GPATCH8: variants seen among roughly 807,000 people sequenced by gnomAD.
GPATCH8 encodes G-patch domain containing 8.
GPATCH8 carries 18 observed loss-of-function variants against 118.3 expected under a neutral mutation model. That is an observed-to-expected ratio of 0.15 (90% CI 0.11 to 0.23). GPATCH8 has a LOEUF of 0.23. Ranked by LOEUF, GPATCH8 falls within the 10% of genes least tolerant of loss-of-function variation. The pLI, the probability that GPATCH8 is intolerant of heterozygous loss-of-function variation, is 1.00. For synonymous variants in GPATCH8, 659 were observed against 684.7 expected (o/e 0.96, Z 0.59); for missense variants, 1,631 against 1,873.8 (o/e 0.87, Z 2.39).
At chr17:44,466,086 T>C (rs972730008) in intron 2 of GPATCH8, among the ~76,000 whole-genome samples, 2 of 152,116 alleles carry the variant, frequency 1.3e-5, no homozygotes, top group Non-Finnish European at 2.9e-5. Context: ...GGTGCAATTA[T>C]AGCTAACTGC....
At chr17:44,454,435 T>TTGTTATTTTGCCA (rs1470855413) in intron 3 of GPATCH8, among the ~76,000 whole-genome samples, 1 of 152,194 alleles carries the variant, frequency 6.6e-6, no homozygotes, top group Non-Finnish European at 1.5e-5. Context: ...TCTTTTCTGA[T>TTGTTATTTTGCCA]TGTTATTTTG....
At chr17:44,406,536 A>G (rs1365372504) in intron 6 of GPATCH8, among the ~76,000 whole-genome samples, 2 of 149,894 alleles carry the variant, frequency 1.3e-5, no homozygotes, top group African/African-American at 4.9e-5. Flanking sequence ...AATAGAAAGC[A>G]TACTTTTATT....
Position 44,425,553 on chromosome 17 carries a change from C to T in GPATCH8, c.349-1061G>A, listed in dbSNP as rs572964101. ...AGTTTCATGTTGTTTGGCTATTAAA[C>T]GACTTGTGGCTTTTTTGCCCAGGCT... is the stretch of plus-strand genomic sequence containing the variant. On this transcript the variant is annotated intron_variant, in intron 5 of 7. Coordinates refer to ENST00000591680, the MANE Select transcript of GPATCH8 (RefSeq NM_001002909.4). Among the ~76,000 whole-genome samples the T allele has an allele frequency of 4.6e-5, 7 of 152,242 alleles. No homozygotes were observed. The South Asian group carries it at 1.2e-3, about 27-fold the overall frequency.
chr17:44,439,868 C>A (rs1439344219), intron 3 of GPATCH8, among the ~76,000 whole-genome samples: 2 of 151,666 alleles, frequency 1.3e-5, no homozygotes, highest in Admixed American at 1.3e-4. Context: ...ACCACAGCCT[C>A]CACCTCCTGG....
intron 1 of GPATCH8, among the ~76,000 whole-genome samples, chr17:44,500,001 A>G (rs1969943377): frequency 6.6e-6 from 1 of 152,322 alleles, no homozygotes; most frequent in East Asian, 1.9e-4. Flanking sequence ...CATTGTTGAA[A>G]GCCTCCCTAG....
At chr17:44,496,004 A>G (rs1331162816) in intron 1 of GPATCH8, among the ~76,000 whole-genome samples, 1 of 152,152 alleles carries the variant, frequency 6.6e-6, no homozygotes, top group South Asian at 2.1e-4. Flanking sequence ...AGTAGCTGGG[A>G]CTACAGGAGC....
At chr17:44,494,390 G>A (rs1006530052) in intron 1 of GPATCH8, among the ~76,000 whole-genome samples, 5 of 152,134 alleles carry the variant, frequency 3.3e-5, no homozygotes, top group East Asian at 1.9e-4. Context: ...TCAGGAGTTC[G>A]CGACCAGCCT....
chr17:44,416,215 T>C (rs972267164), intron 6 of GPATCH8, among the ~76,000 whole-genome samples: 9 of 152,180 alleles, frequency 5.9e-5, no homozygotes, highest in African/African-American at 2.2e-4. Context: ...TTCACCATGT[T>C]GGCCAGGCTG....
intron 2 of GPATCH8, chr17:44,473,879 C>CTATG (rs753720594): frequency 6.6e-6 from 1 of 152,170 alleles, no homozygotes; most frequent in Non-Finnish European, 1.5e-5. Flanking sequence ...TGATCCTTTA[C>CTATG]TATGTTGCAG....
chr17:44,431,978 T>C (rs536885103), intron 5 of GPATCH8, among the ~76,000 whole-genome samples: 3 of 151,438 alleles, frequency 2.0e-5, no homozygotes, highest in Non-Finnish European at 4.4e-5. Flanking sequence ...GAGTAGTGAC[T>C]AAGAATTCTG....
In GPATCH8 at chr17:44,395,552, A is replaced by C. The variant is rs1486487842; in HGVS notation, c.*2016T>G. On this transcript the variant is annotated 3_prime_UTR_variant, in exon 8 of 8. Coordinates refer to ENST00000591680, the MANE Select transcript of GPATCH8 (RefSeq NM_001002909.4). ...TATTTATTTACATGGGCTGAAAGCA[A>C]AGAAAAATGAGTCCCTTCACTTACA... 4 of 454,454 alleles carry C rather than the reference A, an allele frequency of 8.8e-6. No individual in the cohort carries two copies. In the East Asian group the frequency reaches 2.1e-4, roughly 24 times the overall value. The allele number at this position is 454,454 out of a possible 1,614,324, so 28.2% of individuals were successfully genotyped here.
chr17:44,402,012 TA>T (rs72141515), intron 7 of GPATCH8, among the ~76,000 whole-genome samples: 2,633 of 88,636 alleles, frequency 0.03, 82 homozygotes, highest in African/African-American at 0.081. Flanking sequence ...TCAAAAAAAT[TA>T]AAAAAAAAAA....
chr17:44,399,189 C>A lies in GPATCH8; in HGVS notation c.2888G>T (p.Ser963Ile), dbSNP rs762546176. The change falls in exon 8 of 8, where the codon AGC (serine) becomes ATC (isoleucine). Residue 963 changes from serine (S) to isoleucine (I), a missense_variant. Coordinates refer to ENST00000591680, the MANE Select transcript of GPATCH8 (RefSeq NM_001002909.4). Reference sequence around the variant, plus strand: ...CTTGCTTCGACTACGACTACAACTGCTGCTGCGGCTGCGGCCCCGGGATCT... The same window carrying A: ...CTTGCTTCGACTACGACTACAACTGATGCTGCGGCTGCGGCCCCGGGATCT... ...RSRSRGRSRS[S>I]SCSRSRSKRR... The A allele has an allele frequency of 6.2e-7, 1 of 1,612,856 alleles. No homozygotes were observed. The highest frequency in any genetic ancestry group is 8.5e-7 in the Non-Finnish European group (1 of 1,179,082).
At position 44,399,975 on chromosome 17, in the gene GPATCH8, T is replaced by C. The variant is rs1472033187; in HGVS notation, c.2102A>G (p.Lys701Arg). The change falls in exon 8 of 8, where the codon AAG becomes AGG. Residue 701 changes from lysine to arginine, a missense_variant. Lys to Arg is a conservative substitution (Grantham distance 26). Coordinates refer to ENST00000591680, the MANE Select transcript of GPATCH8 (RefSeq NM_001002909.4). ...HKADTEEKSS[K>R]AESGEKSKKR... ...CTTAGATTTCTCCCCTGACTCTGCC[T>C]TAGAGCTTTTCTCTTCTGTGTCAGC... 5 of 1,614,052 alleles carry C rather than the reference T, an allele frequency of 3.1e-6. No individual in the cohort carries two copies. The highest frequency in any genetic ancestry group is 2.5e-6 in the Non-Finnish European group (3 of 1,180,014).
At chr17:44,405,861 A>T in intron 7 of GPATCH8, 60 bp downstream of exon 7, 1 of 1,170,644 alleles carries the variant, frequency 8.5e-7, no homozygotes, top group Non-Finnish European at 1.3e-6. Context: ...TGAAATCTAT[A>T]ATTTAAAATT....
intron 1 of GPATCH8, among the ~76,000 whole-genome samples, chr17:44,499,255 T>C (rs1969886166): frequency 2.6e-5 from 4 of 152,066 alleles, no homozygotes; most frequent in African/African-American, 9.7e-5. Context: ...TCACCTGAGG[T>C]CGGGAGTTTG....
intron 1 of GPATCH8, among the ~76,000 whole-genome samples, chr17:44,498,849 A>G (rs770947543): frequency 5.9e-5 from 9 of 152,244 alleles, no homozygotes; most frequent in Non-Finnish European, 1.0e-4. Flanking sequence ...ACTATATTAC[A>G]TACAGAAAAT....
chr17:44,491,281 G>C (rs1432903679), intron 1 of GPATCH8, among the ~76,000 whole-genome samples: 1 of 152,136 alleles, frequency 6.6e-6, no homozygotes, highest in Non-Finnish European at 1.5e-5. Context: ...ACAAGGTCAG[G>C]AGTTCAAGAC....
intron 1 of GPATCH8, among the ~76,000 whole-genome samples, chr17:44,484,788 T>C (rs1568058999): frequency 6.6e-6 from 1 of 152,190 alleles, no homozygotes; most frequent in Non-Finnish European, 1.5e-5. Flanking sequence ...CCTAATTTGA[T>C]ATTTCAATGT....
Sources: gnomAD v4.1 joint callset for allele counts (sites outside exome capture counted in the v4.1 genomes callset) on GRCh38, gnomAD v4.1.1 for gene constraint, MANE v1.5 for transcripts, NCBI Gene and HGNC (gene_info 2026-07-23, HGNC 2026-07-21) for gene names.